Variants in DMXL2 observed in about 807,000 individuals in gnomAD.
The protein encoded by DMXL2 is dmX-like protein 2.
In DMXL2, 103 loss-of-function variants were observed where a neutral mutation model predicts 331.1. That is an observed-to-expected ratio of 0.31 (90% CI 0.27 to 0.37). The LOEUF (loss-of-function observed/expected upper bound fraction) is 0.37, where lower values mean the gene tolerates loss of function less well. Among genes scored for constraint, DMXL2 ranks in the 10% least tolerant of loss-of-function variants. DMXL2 has a pLI of 1.00. For synonymous variants in DMXL2, 1,281 were observed against 1,252.1 expected, an observed-to-expected ratio of 1.02 and a Z score of -0.49; for missense variants, 3,171 against 3,642.9, an observed-to-expected ratio of 0.87 and a Z score of 3.33.
In DMXL2 at chr15:51,537,721, A is replaced by T. The variant is rs370866930; in HGVS notation, c.1384T>A (p.Ser462Thr). Residue 462 changes from serine (S) to threonine (T), a missense_variant, in exon 11 of 44, where the codon TCA becomes ACA. Physicochemically the swap from Ser to Thr is moderately conservative, Grantham distance 58. This residue lies in a region of DMXL2 where 1,674 missense variants were observed against 1,780.2 expected (regional missense o/e 0.94). Coordinates refer to ENST00000560891, the MANE Select transcript of DMXL2 (RefSeq NM_001378457.1). Reference protein sequence around the residue: ...LDRESEAGTGSSEHEDGEREG... With the variant: ...LDRESEAGTGTSEHEDGEREG... ...CTTTCTCCATCTTCATGTTCTGATG[A>T]TCCTGTACCTGCCTCAGATTCTCTA... 1 of 1,613,596 alleles carries T rather than the reference A, an allele frequency of 6.2e-7. No homozygotes were observed. The highest frequency in any genetic ancestry group is 8.5e-7 in the Non-Finnish European group (1 of 1,179,790).
chr15:51,589,506 G>C (rs2052125160), intron 1 of DMXL2, among the ~76,000 whole-genome samples: 1 of 152,180 alleles, frequency 6.6e-6, no homozygotes, highest in African/African-American at 2.4e-5. Flanking sequence ...GGGATATACA[G>C]AGCAGGGCTT....
chr15:51,456,516 T>C lies in DMXL2; in HGVS notation c.8338-147A>G, dbSNP rs913163356. On this transcript the variant is annotated intron_variant, in intron 37 of 43. Coordinates refer to ENST00000560891, the MANE Select transcript of DMXL2 (RefSeq NM_001378457.1). ...GTTATGGATGTTCTGAACCACTACA[T>C]AGAACACTTGTCTGAAGAGGGTGAG... 6.8e-6 allele frequency: 4 copies of C among 591,396 alleles called. No individual in the cohort carries two copies. The African/African-American group carries it at 7.5e-5, about 11-fold the overall frequency. The allele number at this position is 591,396 out of a possible 1,614,324, so 36.6% of individuals were successfully genotyped here. A position where few individuals can be genotyped will look rare whatever the true frequency, so the allele number is the denominator to read the frequency against.
intron 33 of DMXL2, chr15:51,460,026 G>T: frequency 1.0e-6 from 1 of 980,142 alleles, no homozygotes; most frequent in South Asian, 4.7e-5. Context: ...CCCTATAGGG[G>T]TTGATTTAAA....
chr15:51,560,646 G>C (rs982800516), intron 6 of DMXL2, among the ~76,000 whole-genome samples: 2 of 149,322 alleles, frequency 1.3e-5, no homozygotes, highest in African/African-American at 4.9e-5. Flanking sequence ...GCTAGCCCGG[G>C]TGACGGATTG....
Position 51,525,723 on chromosome 15 carries a change from G to T in DMXL2, c.2437-8556C>A, listed in dbSNP as rs547983047. Among the ~76,000 whole-genome samples, 6 of 152,224 alleles carry T rather than the reference G, an allele frequency of 3.9e-5. No homozygotes were observed. In the East Asian group the frequency reaches 1.2e-3, roughly 30 times the overall value. ...GAAGCTCGTCTGCCTTTGGAAAGGA[G>T]AGAGAAGGGTAGGAGGGACTGTGTC... On this transcript the variant is annotated intron_variant, in intron 13 of 43. Coordinates refer to ENST00000560891, the MANE Select transcript of DMXL2 (RefSeq NM_001378457.1).
intron 4 of DMXL2, 83 bp from the exon 5 acceptor site, chr15:51,564,343 A>T: frequency 9.2e-7 from 1 of 1,082,984 alleles, no homozygotes; most frequent in East Asian, 3.1e-5. Flanking sequence ...TAGATCTGTA[A>T]ACTATTAATA....
chr15:51,449,842 T>G (rs1276531905), intron 43 of DMXL2, among the ~76,000 whole-genome samples: 1 of 152,026 alleles, frequency 6.6e-6, no homozygotes, highest in Non-Finnish European at 1.5e-5. Flanking sequence ...CAAACTAATG[T>G]CATCAAAAAA....
intron 3 of DMXL2, chr15:51,567,430 A>G (rs2050366475): frequency 6.6e-6 from 1 of 152,144 alleles, no homozygotes; most frequent in Non-Finnish European, 1.5e-5. Flanking sequence ...TACATAGTAA[A>G]CAATAAATAA....
intron 13 of DMXL2, among the ~76,000 whole-genome samples, chr15:51,521,414 CTAGTAGTAGTAG>C (rs10667947): frequency 0.18 from 25,244 of 141,928 alleles, 2,528 homozygotes; most frequent in Non-Finnish European, 0.23. Context: ...TAAAAGTTTG[CTAGTAGTAGTAG>C]TAGTAGTAGT....
chr15:51,525,692 C>A (rs150712656), intron 13 of DMXL2, among the ~76,000 whole-genome samples: 1 of 152,050 alleles, frequency 6.6e-6, no homozygotes, highest in African/African-American at 2.4e-5. Context: ...CTGGTGGCCA[C>A]AGGGTGAAGC....
rs1431495986 is a variant in DMXL2, at chr15:51,557,348, T to C, written c.567+6033A>G. 3.9e-5 allele frequency among the ~76,000 whole-genome samples: 6 copies of C among 152,190 alleles called. 1 individual carries two copies. In the South Asian group the frequency reaches 8.3e-4, roughly 21 times the overall value. On this transcript the variant is annotated intron_variant, in intron 6 of 43. Transcript: ENST00000560891. The stretch of plus-strand genomic sequence containing the variant: ...AAAAGATATTTGGGATCTTCACAGA[T>C]AAAATTATAAAACATTACTGAGGAA...
chr15:51,467,785 G>GGCAC (rs567176218), intron 29 of DMXL2, among the ~76,000 whole-genome samples: 2 of 149,666 alleles, frequency 1.3e-5, no homozygotes, highest in Non-Finnish European at 3.0e-5. Flanking sequence ...AGAGCGCAGT[G>GGCAC]GCACGATCTT....
chr15:51,610,426 A>G (rs1392995223), intron 1 of DMXL2, among the ~76,000 whole-genome samples: 2 of 152,170 alleles, frequency 1.3e-5, no homozygotes, highest in East Asian at 3.8e-4. Context: ...AAATATATAA[A>G]ATTCTGTCCA....
At chr15:51,491,348 G>A (rs2042781227) in intron 20 of DMXL2, among the ~76,000 whole-genome samples, 1 of 152,064 alleles carries the variant, frequency 6.6e-6, no homozygotes, top group African/African-American at 2.4e-5. Context: ...GGCTGAGGCA[G>A]GAAAATCGCT....
At chr15:51,492,704 A>G (rs1430203399) in intron 19 of DMXL2, among the ~76,000 whole-genome samples, 1 of 152,330 alleles carries the variant, frequency 6.6e-6, no homozygotes, top group East Asian at 1.9e-4. Flanking sequence ...CAATAATGGG[A>G]ATGCTGGCAA....
intron 1 of DMXL2, among the ~76,000 whole-genome samples, chr15:51,599,137 A>C (rs2053046448): frequency 6.6e-6 from 1 of 152,230 alleles, no homozygotes; most frequent in Non-Finnish European, 1.5e-5. Context: ...GGCCAGTGGA[A>C]GACCTTTAAG....
intron 1 of DMXL2, among the ~76,000 whole-genome samples, chr15:51,580,138 A>G (rs2051309756): frequency 6.6e-6 from 1 of 152,224 alleles, no homozygotes; most frequent in Non-Finnish European, 1.5e-5. Context: ...AAAGACCAAC[A>G]GTTTATACAA....
rs566176274 is a variant in DMXL2, at chr15:51,470,003, T to C, written c.7392+1220A>G. On this transcript the variant is annotated intron_variant, in intron 29 of 43. Coordinates refer to ENST00000560891, the MANE Select transcript of DMXL2 (RefSeq NM_001378457.1). ...TCTGGAGAGCTTGTTAAGACATAGA[T>C]TGTTGGTTCTCACTCCCAGAGTTTC... is the stretch of plus-strand genomic sequence containing the variant. Among the ~76,000 whole-genome samples the C allele has an allele frequency of 3.9e-5, 6 of 152,218 alleles. No individual in the cohort carries two copies. In the South Asian group the frequency reaches 1.0e-3, roughly 26 times the overall value.
At chr15:51,537,048 G>C (rs1326677962) in intron 11 of DMXL2, among the ~76,000 whole-genome samples, 186 bp from the exon 12 acceptor site, 1 of 152,018 alleles carries the variant, frequency 6.6e-6, no homozygotes, top group Non-Finnish European at 1.5e-5. Flanking sequence ...AGAGAAGGCT[G>C]AAGAAAAAAA....
Sources: gnomAD v4.1 joint callset for allele counts (sites outside exome capture counted in the v4.1 genomes callset) on GRCh38, gnomAD v4.1.1 for gene constraint, gnomAD v4.1.1 regional missense constraint, MANE v1.5 for transcripts, NCBI Gene and HGNC (gene_info 2026-07-23, HGNC 2026-07-21) for gene names.